AFG3L2: variants seen among roughly 807,000 people sequenced by gnomAD.
The protein encoded by AFG3L2 is mitochondrial inner membrane m-AAA protease component AFG3L2.
AFG3L2 carries 54 observed loss-of-function variants against 94.5 expected under a neutral mutation model. That is an observed-to-expected ratio of 0.57 (90% CI 0.46 to 0.72). The LOEUF (loss-of-function observed/expected upper bound fraction) is 0.72, where lower values mean the gene tolerates loss of function less well. Ranked by LOEUF, AFG3L2 falls within the 30% of genes least tolerant of loss-of-function variation. The probability of loss-of-function intolerance (pLI) is 0.00; values close to 1 mark genes in which losing one functional copy is unlikely to be tolerated. For synonymous variants in AFG3L2, 377 were observed against 365.5 expected (o/e 1.03, Z -0.36); for missense variants, 754 against 994.9 (o/e 0.76, Z 3.26).
intron 8 of AFG3L2, among the ~76,000 whole-genome samples, 192 bp downstream of exon 8, chr18:12,358,478 T>C (rs950630119): frequency 2.0e-5 from 3 of 152,050 alleles, no homozygotes; most frequent in African/African-American, 7.2e-5. Context: ...CAGGAATACA[T>C]ACACTATACA....
chr18:12,335,542 G>T (rs758105618), intron 16 of AFG3L2, among the ~76,000 whole-genome samples: 1 of 152,080 alleles, frequency 6.6e-6, no homozygotes, highest in African/African-American at 2.4e-5. Flanking sequence ...CCTGTAACTG[G>T]TGTTTCTTTT....
intron 12 of AFG3L2, among the ~76,000 whole-genome samples, chr18:12,349,786 C>A (rs1275324072): frequency 6.6e-6 from 1 of 151,976 alleles, no homozygotes; most frequent in Non-Finnish European, 1.5e-5. Context: ...TTCAGCCTCC[C>A]GAGTAGCTGG....
At chr18:12,333,668 ATAT>A (rs1022674821) in intron 16 of AFG3L2, among the ~76,000 whole-genome samples, 4 of 152,142 alleles carry the variant, frequency 2.6e-5, no homozygotes, top group African/African-American at 7.2e-5. Flanking sequence ...CTTGGCCAAA[ATAT>A]TATTTCAACA....
At chr18:12,352,559 C>T (rs1908350469) in intron 10 of AFG3L2, among the ~76,000 whole-genome samples, 1 of 152,126 alleles carries the variant, frequency 6.6e-6, no homozygotes. Flanking sequence ...TTTCCTTATG[C>T]TTCAGAGATG....
intron 16 of AFG3L2, among the ~76,000 whole-genome samples, chr18:12,333,654 A>G (rs1297133548): frequency 6.6e-6 from 1 of 152,102 alleles, no homozygotes; most frequent in Non-Finnish European, 1.5e-5. Context: ...CATGTGCCAC[A>G]GTTCTTGGCC....
chr18:12,376,643 T>C (rs553774722), intron 1 of AFG3L2, among the ~76,000 whole-genome samples: 37 of 152,290 alleles, frequency 2.4e-4, no homozygotes, highest in African/African-American at 8.2e-4. Context: ...GACGCCTTCG[T>C]TCCGTGCTCC....
At chr18:12,365,451 T>G (rs1908776817) in intron 5 of AFG3L2, among the ~76,000 whole-genome samples, 2 of 152,146 alleles carry the variant, frequency 1.3e-5, no homozygotes, top group South Asian at 4.2e-4. Context: ...GTTTCAAAAA[T>G]CCAACTAGAT....
chr18:12,356,724 CA>C lies in AFG3L2; in HGVS notation c.1133del (p.Leu378TrpfsTer103). 6.2e-7 allele frequency: 1 copy of C among 1,614,224 alleles called. No homozygotes were observed. The highest frequency in any genetic ancestry group is 8.5e-7 in the Non-Finnish European group (1 of 1,180,048). On this transcript the variant is annotated frameshift_variant, in exon 9 of 17. Transcript: ENST00000269143. LOFTEE classifies it high-confidence loss of function. The stretch of plus-strand genomic sequence containing the variant: ...CAGGGCCCACACCAACGAACATCTC[CA>C]AAAACTCAGATCCACTAACGGTGAT... ...PFITVSGSEF[L>X]EMFVGVGPAR...
intron 8 of AFG3L2, 93 bp downstream of exon 8, chr18:12,358,577 A>G (rs1475310623): frequency 4.1e-6 from 6 of 1,460,132 alleles, no homozygotes; most frequent in Non-Finnish European, 5.6e-6. Flanking sequence ...GGACAGAAAA[A>G]CAGCTATCTA....
At chr18:12,371,038 C>T in intron 2 of AFG3L2, 112 bp from the exon 3 acceptor site, 2 of 645,816 alleles carry the variant, frequency 3.1e-6, no homozygotes, top group South Asian at 1.8e-5. Context: ...GCTGGCCAGG[C>T]GCAATGGCTC....
chr18:12,346,154 G>A (rs531693328), intron 13 of AFG3L2, among the ~76,000 whole-genome samples: 3 of 152,186 alleles, frequency 2.0e-5, no homozygotes, highest in African/African-American at 4.8e-5. Context: ...CATCTTCCTC[G>A]CTTGTCTGCT....
chr18:12,341,554 T>C (rs1207177629), intron 14 of AFG3L2: 1 of 152,230 alleles, frequency 6.6e-6, no homozygotes, highest in Non-Finnish European at 1.5e-5. Flanking sequence ...TTGGCCTCTT[T>C]CCCTGTTTTT....
intron 1 of AFG3L2, 84 bp downstream of exon 1, chr18:12,376,885 C>T: frequency 9.2e-7 from 1 of 1,083,010 alleles, no homozygotes; most frequent in Non-Finnish European, 1.2e-6. Flanking sequence ...AGGGCGGGGG[C>T]CAGTGACCTT....
chr18:12,331,808 A>AAT (rs35558132), intron 16 of AFG3L2, among the ~76,000 whole-genome samples: 29 of 146,364 alleles, frequency 2.0e-4, no homozygotes, highest in African/African-American at 7.1e-4. Context: ...TAAATAAATA[A>AAT]ATATATATAT....
chr18:12,367,943 C>T (rs944705420), intron 3 of AFG3L2, among the ~76,000 whole-genome samples: 10 of 151,976 alleles, frequency 6.6e-5, no homozygotes, highest in African/African-American at 1.7e-4. Context: ...CCAAGGTGGG[C>T]GATCACCTGA....
intron 16 of AFG3L2, among the ~76,000 whole-genome samples, chr18:12,330,192 GGT>G (rs1393916203): frequency 6.6e-6 from 1 of 152,206 alleles, no homozygotes; most frequent in South Asian, 2.1e-4. Context: ...TGGGCATGGT[GGT>G]GTGCGCCTGT....
chr18:12,354,994 C>T (rs1908445705), intron 9 of AFG3L2, among the ~76,000 whole-genome samples: 1 of 152,092 alleles, frequency 6.6e-6, no homozygotes, highest in African/African-American at 2.4e-5. Context: ...GCAGGGGGTG[C>T]ATCACCTGAA....
intron 1 of AFG3L2, among the ~76,000 whole-genome samples, chr18:12,373,099 C>T (rs888763774): frequency 6.6e-6 from 1 of 152,130 alleles, no homozygotes; most frequent in Admixed American, 6.5e-5. Flanking sequence ...CAAATAAATA[C>T]AGAATTCCAC....
chr18:12,353,495 C>CA (rs1400104205), intron 9 of AFG3L2, among the ~76,000 whole-genome samples: 1 of 85,240 alleles, frequency 1.2e-5, no homozygotes, highest in Non-Finnish European at 2.1e-5. Flanking sequence ...GCCTGGGCAA[C>CA]AAGAGCGAAA....
Sources: allele counts gnomAD v4.1 joint callset (sites outside exome capture counted in the v4.1 genomes callset), GRCh38; gene constraint gnomAD v4.1.1; transcripts MANE v1.5; gene names NCBI Gene and HGNC (gene_info 2026-07-23, HGNC 2026-07-21).